TFB1M: variants seen among roughly 807,000 people sequenced by gnomAD.
TFB1M encodes the protein transcription factor B1, mitochondrial.
A neutral mutation model predicts 31.1 loss-of-function variants in TFB1M; 27 were observed. The observed-to-expected ratio is 0.87, with a 90% CI of 0.64 to 1.20. The LOEUF is 1.20. Ranked by LOEUF, TFB1M falls within the 50% of genes most tolerant of loss-of-function variation. TFB1M has a pLI of 0.00. For synonymous variants in TFB1M, 166 were observed against 151.8 expected (o/e 1.09, Z -0.69); for missense variants, 394 against 418.7 (o/e 0.94, Z 0.51).
intron 2 of TFB1M, among the ~76,000 whole-genome samples, chr6:155,300,281 T>G (rs987735505): frequency 1.3e-5 from 2 of 152,234 alleles, no homozygotes; most frequent in African/African-American, 4.8e-5. Context: ...TTGATATGTT[T>G]AGCCATGGTA....
In TFB1M at chr6:155,258,070, A is replaced by G. The variant is rs372081194; in HGVS notation, c.807T>C (p.Pro269=). ...YCHRGLRMLF[P]EAQRLESTGR... is the part of the protein sequence containing the mutation. Reference sequence around the variant, plus strand: ...CCGTGCTTTCCAAGCGCTGCGCTTCAGGGAATAACATTCTGAGGGGAAGAC... The same window carrying G: ...CCGTGCTTTCCAAGCGCTGCGCTTCGGGGAATAACATTCTGAGGGGAAGAC... The change falls in exon 7 of 7, where the codon CCT becomes CCC. Residue 269 remains proline, a synonymous_variant. Coordinates refer to ENST00000367166, the MANE Select transcript of TFB1M (RefSeq NM_016020.4). 1.9e-5 allele frequency: 31 copies of G among 1,614,114 alleles called. No individual in the cohort carries two copies. In the African/African-American group the frequency reaches 3.9e-4, roughly 20 times the overall value.
At chr6:155,253,791 C>T (rs1783826587), downstream of TFB1M, 1 of 527,856 alleles carries the variant, frequency 1.9e-6, no homozygotes, top group African/African-American at 2.0e-5. Context: ...AAAAAGTAAC[C>T]AAAAGGCATT....
the TFB1M span, chr6:155,251,107 C>A: frequency 8.5e-7 from 1 of 1,171,714 alleles, no homozygotes; most frequent in South Asian, 1.2e-5. Context: ...CCAGCTCACT[C>A]CTGAGCTCCA....
At chr6:155,304,599 G>A (rs73010604) in intron 2 of TFB1M, among the ~76,000 whole-genome samples, 4,984 of 152,142 alleles carry the variant, frequency 0.033, 130 homozygotes, top group Non-Finnish European at 0.048. Flanking sequence ...AGCACATCAT[G>A]ATGAAATTGC....
intron 4 of TFB1M, among the ~76,000 whole-genome samples, chr6:155,290,425 A>AATATAGT (rs1776864112): frequency 6.6e-6 from 1 of 150,724 alleles, no homozygotes; most frequent in Non-Finnish European, 1.5e-5. Context: ...AGAATGGACT[A>AATATAGT]ATATAGTATA....
chr6:155,303,942 G>A (rs1414820403), intron 2 of TFB1M, among the ~76,000 whole-genome samples: 3 of 152,140 alleles, frequency 2.0e-5, no homozygotes, highest in Non-Finnish European at 2.9e-5. Flanking sequence ...CTGAGATTTG[G>A]TCACTAGACT....
intron 5 of TFB1M, chr6:155,264,304 G>C (rs950725864): frequency 1.3e-5 from 2 of 152,136 alleles, no homozygotes; most frequent in African/African-American, 2.4e-5. Context: ...GAGAATCCCA[G>C]GTAGAGGCAG....
chr6:155,256,882 G>C lies in TFB1M; in HGVS notation c.*954C>G. On this transcript the variant is annotated 3_prime_UTR_variant, in exon 7 of 7. Coordinates refer to ENST00000367166, the MANE Select transcript of TFB1M (RefSeq NM_016020.4). Reference sequence around the variant, plus strand: ...GTCGGGTGAGGGTCAGAAAGGAGGAGAGCAGCCCAAACTGGTCCGGGGGCA... The same window carrying C: ...GTCGGGTGAGGGTCAGAAAGGAGGACAGCAGCCCAAACTGGTCCGGGGGCA... 1.2e-6 allele frequency: 2 copies of C among 1,614,218 alleles called. No homozygotes were observed. The highest frequency in any genetic ancestry group is 2.2e-5 in the East Asian group (1 of 44,880).
chr6:155,282,648 CAGA>C (rs1776425827), intron 5 of TFB1M, among the ~76,000 whole-genome samples: 1 of 152,108 alleles, frequency 6.6e-6, no homozygotes, highest in Non-Finnish European at 1.5e-5. Flanking sequence ...TTCTTGTATG[CAGA>C]AGGTTTAGTT....
chr6:155,231,365 C>T, the TFB1M span, among the ~76,000 whole-genome samples: 1 of 152,192 alleles, frequency 6.6e-6, no homozygotes, highest in Non-Finnish European at 1.5e-5. Flanking sequence ...CTCTTTGGAG[C>T]AGCATTTCTT....
chr6:155,296,946 A>C lies in TFB1M; in HGVS notation c.546+7T>G. 6.2e-7 allele frequency: 1 copy of C among 1,613,364 alleles called. No individual in the cohort carries two copies. The highest frequency in any genetic ancestry group is 8.5e-7 in the Non-Finnish European group (1 of 1,179,500). On this transcript the variant is annotated splice_region_variant and intron_variant, in intron 4 of 6. Transcript: ENST00000367166. ...TGATAAAATAGTCACAAAATGTTAA[A>C]ACTTACCTCTGCCACTTCCTTTTGA... is the stretch of plus-strand genomic sequence containing the variant.
intron 2 of TFB1M, among the ~76,000 whole-genome samples, chr6:155,308,971 C>T (rs951779460): frequency 1.3e-5 from 2 of 152,162 alleles, no homozygotes; most frequent in African/African-American, 4.8e-5. Context: ...TAGTACCCAA[C>T]ATTTCTTTTT....
At chr6:155,267,255 A>G (rs7775467) in intron 5 of TFB1M, among the ~76,000 whole-genome samples, 99,869 of 152,118 alleles carry the variant, frequency 0.66, 33,539 homozygotes, top group East Asian at 0.98. Context: ...GATTATGGGC[A>G]TGAGCCACCA....
At chr6:155,271,227 G>A (rs991869225) in intron 5 of TFB1M, among the ~76,000 whole-genome samples, 2 of 152,238 alleles carry the variant, frequency 1.3e-5, no homozygotes, top group Non-Finnish European at 1.5e-5. Flanking sequence ...TAATGGCTAT[G>A]AATTTATAGC....
intron 5 of TFB1M, among the ~76,000 whole-genome samples, chr6:155,267,275 G>A (rs1190460102): frequency 3.9e-5 from 6 of 152,212 alleles, no homozygotes; most frequent in East Asian, 3.9e-4. Flanking sequence ...ACACCTGGCC[G>A]TAGAATATGG....
rs1784045531 is a variant in TFB1M, at chr6:155,256,575, G to A, written c.*1261C>T. The A allele has an allele frequency of 6.2e-7, 1 of 1,614,184 alleles. No homozygotes were observed. The highest frequency in any genetic ancestry group is 1.3e-5 in the African/African-American group (1 of 75,052). On this transcript the variant is annotated 3_prime_UTR_variant, in exon 7 of 7. Coordinates refer to ENST00000367166, the MANE Select transcript of TFB1M (RefSeq NM_016020.4). ...AGGGAACCTTGCTGGACTCTGACGAGGGCAGCTTGAGCAGCGGCACCCAGA... is the reference window on the plus strand; with the variant it reads ...AGGGAACCTTGCTGGACTCTGACGAAGGCAGCTTGAGCAGCGGCACCCAGA...
intron 4 of TFB1M, among the ~76,000 whole-genome samples, chr6:155,285,674 C>A (rs1265736254): frequency 6.6e-6 from 1 of 152,042 alleles, no homozygotes; most frequent in Non-Finnish European, 1.5e-5. Flanking sequence ...TCTGAATCAC[C>A]CCAATATATG....
the TFB1M span, among the ~76,000 whole-genome samples, chr6:155,248,352 AGGCGTCTG>A: frequency 6.6e-6 from 1 of 152,238 alleles, no homozygotes; most frequent in Non-Finnish European, 1.5e-5. Context: ...GAAACTAGCT[AGGCGTCTG>A]GGCACTCCTT....
intron 5 of TFB1M, among the ~76,000 whole-genome samples, chr6:155,263,363 T>C (rs1784476029): frequency 6.6e-6 from 1 of 152,260 alleles, no homozygotes; most frequent in Non-Finnish European, 1.5e-5. Context: ...TCTAGTTTAA[T>C]GCCGCCAGCC....
Sources: allele counts gnomAD v4.1 joint callset (sites outside exome capture counted in the v4.1 genomes callset), GRCh38; gene constraint gnomAD v4.1.1; transcripts MANE v1.5; gene names NCBI Gene and HGNC (gene_info 2026-07-23, HGNC 2026-07-21).